The following RGS22 variants were observed in gnomAD, a reference collection of about 807,000 sequenced individuals.
RGS22 encodes the protein regulator of G protein signaling 22, also known as regulator of G-protein signaling 22.
RGS22 carries 148 observed loss-of-function variants against 172.9 expected under a neutral mutation model. The observed-to-expected ratio is 0.86, with a 90% CI of 0.75 to 0.98. The LOEUF is 0.98. Among genes scored for constraint, RGS22 ranks in the 50% least tolerant of loss-of-function variants. RGS22 has a pLI of 0.00. For missense variants in RGS22, 1,347 were observed against 1,440.8 expected, an observed-to-expected ratio of 0.93 and a Z score of 1.05; for synonymous variants, 458 against 480.2, an observed-to-expected ratio of 0.95 and a Z score of 0.60.
At chr8:100,071,035 C>A (rs934496568) in intron 6 of RGS22, among the ~76,000 whole-genome samples, 1 of 152,206 alleles carries the variant, frequency 6.6e-6, no homozygotes, top group Non-Finnish European at 1.5e-5. Context: ...GTAATCCCAG[C>A]ACTTTGGGAG....
chr8:100,032,343 CA>C (rs997036205), intron 14 of RGS22, among the ~76,000 whole-genome samples: 16 of 150,572 alleles, frequency 1.1e-4, no homozygotes, highest in Admixed American at 2.0e-4. Flanking sequence ...AAATGGAAAA[CA>C]AAAAAAAGGA....
intron 5 of RGS22, among the ~76,000 whole-genome samples, chr8:100,071,936 G>A (rs960690318): frequency 9.9e-5 from 15 of 152,254 alleles, no homozygotes; most frequent in African/African-American, 1.4e-4. Context: ...AGAGGCTCAC[G>A]CCTGTAATCC....
chr8:100,088,609 A>G (rs893405112), intron 3 of RGS22, among the ~76,000 whole-genome samples: 1 of 152,168 alleles, frequency 6.6e-6, no homozygotes, highest in Non-Finnish European at 1.5e-5. Context: ...TAGGATTTGG[A>G]AAGTGCTGCA....
At chr8:100,033,216 C>A (rs1467342201) in intron 14 of RGS22, among the ~76,000 whole-genome samples, 1 of 151,944 alleles carries the variant, frequency 6.6e-6, no homozygotes, top group Admixed American at 6.6e-5. Flanking sequence ...TCAAAAAAAT[C>A]AATGAATCCA....
chr8:100,029,702 C>CAAAAAAA (rs369058108), intron 14 of RGS22, among the ~76,000 whole-genome samples: 55 of 61,924 alleles, frequency 8.9e-4, no homozygotes, highest in African/African-American at 2.2e-3. Flanking sequence ...AACTCCGTCT[C>CAAAAAAA]AAAAAAAAAA....
intron 3 of RGS22, among the ~76,000 whole-genome samples, chr8:100,081,911 T>C (rs1334316369): frequency 8.9e-6 from 1 of 112,142 alleles, no homozygotes; most frequent in Non-Finnish European, 1.7e-5. Context: ...TTGTTTTCCT[T>C]TTTTTTTTTT....
At chr8:100,023,241 T>C (rs1373808129) in intron 14 of RGS22, among the ~76,000 whole-genome samples, 3 of 152,084 alleles carry the variant, frequency 2.0e-5, no homozygotes, top group Non-Finnish European at 4.4e-5. Flanking sequence ...TCAGAATAAG[T>C]GAAGGTAACT....
intron 14 of RGS22, among the ~76,000 whole-genome samples, chr8:100,031,106 T>C (rs891619629): frequency 6.6e-6 from 1 of 152,162 alleles, no homozygotes; most frequent in Non-Finnish European, 1.5e-5. Context: ...AAATATAATA[T>C]GTAACTTCCA....
intron 14 of RGS22, among the ~76,000 whole-genome samples, chr8:100,024,542 C>T (rs920169803): frequency 6.6e-6 from 1 of 152,110 alleles, no homozygotes; most frequent in Non-Finnish European, 1.5e-5. Flanking sequence ...AGCAGACTGT[C>T]TTCATGGACC....
chr8:100,092,659 G>C (rs1470201481), intron 3 of RGS22, among the ~76,000 whole-genome samples: 2 of 152,096 alleles, frequency 1.3e-5, no homozygotes, highest in African/African-American at 4.8e-5. Context: ...GCAGCCCCTT[G>C]ATCTTGGACT....
chr8:100,010,259 G>A (rs756049348), intron 14 of RGS22, among the ~76,000 whole-genome samples: 3 of 151,908 alleles, frequency 2.0e-5, no homozygotes, highest in Non-Finnish European at 2.9e-5. Context: ...AGGCCGAGGC[G>A]GGCACATCAC....
At chr8:100,023,219 A>G (rs1316333338) in intron 14 of RGS22, among the ~76,000 whole-genome samples, 1 of 152,188 alleles carries the variant, frequency 6.6e-6, no homozygotes, top group Non-Finnish European at 1.5e-5. Context: ...CTTGGAAAAC[A>G]AGTTTACATA....
chr8:100,067,525 T>C (rs1040421903), intron 6 of RGS22, among the ~76,000 whole-genome samples: 5 of 151,944 alleles, frequency 3.3e-5, no homozygotes, highest in African/African-American at 1.2e-4. Context: ...CCTTGCTATT[T>C]CAACTGCAAA....
At chr8:99,978,987 C>T (rs892533162) in intron 22 of RGS22, among the ~76,000 whole-genome samples, 1 of 152,144 alleles carries the variant, frequency 6.6e-6, no homozygotes, top group Non-Finnish European at 1.5e-5. Context: ...TACATGAATG[C>T]TATTAGTAAT....
At chr8:100,082,907 C>T (rs1811870710) in intron 3 of RGS22, among the ~76,000 whole-genome samples, 1 of 152,134 alleles carries the variant, frequency 6.6e-6, no homozygotes. Context: ...ATGTGGGTAA[C>T]TCTACGCAGC....
At chr8:100,052,728 C>A in intron 10 of RGS22, 74 bp downstream of exon 10, 1 of 1,273,408 alleles carries the variant, frequency 7.9e-7, no homozygotes, top group Non-Finnish European at 1.1e-6. Flanking sequence ...TGAAAATTAT[C>A]AGTGCACAAA....
At chr8:100,002,751 A>C in intron 17 of RGS22, among the ~76,000 whole-genome samples, 1 of 152,154 alleles carries the variant, frequency 6.6e-6, no homozygotes, top group East Asian at 1.9e-4. Context: ...GATGGGTACC[A>C]AAAAATAGAA....
intron 14 of RGS22, among the ~76,000 whole-genome samples, chr8:100,025,331 G>A (rs925600296): frequency 7.9e-5 from 12 of 152,138 alleles, no homozygotes; most frequent in African/African-American, 2.2e-4. Context: ...AACAAATAAT[G>A]TAACAAAGCC....
intron 14 of RGS22, among the ~76,000 whole-genome samples, chr8:100,024,564 G>A (rs1267550299): frequency 1.3e-5 from 2 of 151,714 alleles, no homozygotes; most frequent in Non-Finnish European, 2.9e-5. Flanking sequence ...ACAGTCTCAC[G>A]GAGAAAAAAA....
Sources: gnomAD v4.1 joint callset for allele counts (sites outside exome capture counted in the v4.1 genomes callset) on GRCh38, gnomAD v4.1.1 for gene constraint, MANE v1.5 for transcripts, NCBI Gene and HGNC (gene_info 2026-07-23, HGNC 2026-07-21) for gene names.